The following SCN8A variants were observed in gnomAD, a reference collection of about 807,000 sequenced individuals.
SCN8A encodes the protein sodium voltage-gated channel alpha subunit 8, also known as sodium channel protein type 8 subunit alpha.
A neutral mutation model predicts 184.1 loss-of-function variants in SCN8A; 30 were observed. That is an observed-to-expected ratio of 0.16 (90% CI 0.12 to 0.22). The LOEUF (loss-of-function observed/expected upper bound fraction) is 0.22. SCN8A is among the 10% of genes least tolerant of loss of function. The probability of loss-of-function intolerance (pLI) is 1.00; values close to 1 mark genes in which losing one functional copy is unlikely to be tolerated. For synonymous variants in SCN8A, 852 were observed against 907.0 expected, an observed-to-expected ratio of 0.94 and a Z score of 1.09; for missense variants, 1,057 against 2,498.9, an observed-to-expected ratio of 0.42 and a Z score of 12.30.
intron 1 of SCN8A, among the ~76,000 whole-genome samples, chr12:51,614,276 A>G (rs1412058713): frequency 6.6e-6 from 1 of 152,244 alleles, no homozygotes; most frequent in African/African-American, 2.4e-5. Flanking sequence ...TGTTAGTTAC[A>G]TACACATTTT....
At chr12:51,720,294 C>T (rs1274883374) in intron 11 of SCN8A, among the ~76,000 whole-genome samples, 3 of 150,238 alleles carry the variant, frequency 2.0e-5, no homozygotes, top group African/African-American at 7.4e-5. Flanking sequence ...GATGAGTTCA[C>T]GTCCTTTGTA....
chr12:51,676,530 A>G (rs1941225743), intron 2 of SCN8A, among the ~76,000 whole-genome samples: 1 of 152,214 alleles, frequency 6.6e-6, no homozygotes, highest in Non-Finnish European at 1.5e-5. Context: ...ATGAATGCCA[A>G]ATTGCTGTTG....
At chr12:51,620,101 A>G (rs1939927841) in intron 1 of SCN8A, among the ~76,000 whole-genome samples, 1 of 152,212 alleles carries the variant, frequency 6.6e-6, no homozygotes, top group African/African-American at 2.4e-5. Flanking sequence ...TGGAGACCAA[A>G]GAGTTGTCAT....
At chr12:51,644,131 A>G (rs1184815908) in intron 1 of SCN8A, among the ~76,000 whole-genome samples, 1 of 152,196 alleles carries the variant, frequency 6.6e-6, no homozygotes, top group East Asian at 1.9e-4. Flanking sequence ...AGAGAAACCA[A>G]CTTTGCTTAG....
chr12:51,741,740 C>T (rs1942427376), intron 12 of SCN8A, among the ~76,000 whole-genome samples: 1 of 152,040 alleles, frequency 6.6e-6, no homozygotes, highest in Non-Finnish European at 1.5e-5. Context: ...GACAGAGTTT[C>T]ACTCTTGTTG....
chr12:51,689,147 T>G, intron 6 of SCN8A, 51 bp downstream of exon 6: 1 of 1,331,656 alleles, frequency 7.5e-7, no homozygotes, highest in Non-Finnish European at 1.1e-6. Flanking sequence ...CTCTTTCTCC[T>G]CCATTCGTTT....
rs78954138 is a variant in SCN8A, at chr12:51,636,821, G to A, written c.-54-25943G>A. On this transcript the variant is annotated intron_variant, in intron 1 of 26. Transcript: ENST00000627620. ...TTAATAAGCATACTTTTTGCCTTAAGGCACTTATAACCAAGTAAGCAAAAT... is the reference window on the plus strand; with the variant it reads ...TTAATAAGCATACTTTTTGCCTTAAAGCACTTATAACCAAGTAAGCAAAAT... 9.3e-3 allele frequency among the ~76,000 whole-genome samples: 1,418 copies of A among 152,296 alleles called. 20 individuals carry two copies. Among genetic ancestry groups the A allele is most frequent in the Non-Finnish European group, 0.011 (765 of 68,030 alleles).
In SCN8A at chr12:51,618,458, AACACACAC is replaced by A. The variant is rs56163627; in HGVS notation, c.-55+27143_-55+27150del. 9.3e-3 allele frequency among the ~76,000 whole-genome samples: 1,289 copies of A among 138,924 alleles called. 11 individuals are homozygous for A. Among genetic ancestry groups the A allele is most frequent in the South Asian group, 0.016 (66 of 4,042 alleles). 91.1% of individuals were successfully genotyped at this position (138,924 alleles called of 152,430 possible). ...AGTCCAGGCCAAGAGATACCAGAGC[AACACACAC>A]ACACACACACACACACACACACACA... On this transcript the variant is annotated intron_variant, in intron 1 of 26. Coordinates refer to ENST00000627620, the MANE Select transcript of SCN8A (RefSeq NM_001330260.2).
chr12:51,675,253 G>C (rs1941203572), intron 2 of SCN8A, among the ~76,000 whole-genome samples: 1 of 152,208 alleles, frequency 6.6e-6, no homozygotes, highest in Admixed American at 6.5e-5. Flanking sequence ...CAGTGCTGCT[G>C]CTCTGCCCGG....
intron 6 of SCN8A, among the ~76,000 whole-genome samples, chr12:51,696,088 T>C (rs1170279493): frequency 6.6e-6 from 1 of 152,238 alleles, no homozygotes; most frequent in African/African-American, 2.4e-5. Context: ...ATTATACTCT[T>C]GTTACTAATA....
rs535748328 is a variant in SCN8A at position 51,800,419 on chromosome 12, A to G, written c.4795+5778A>G. 1.6e-4 allele frequency among the ~76,000 whole-genome samples: 25 copies of G among 152,324 alleles called. No homozygotes were observed. In the South Asian group the frequency reaches 4.8e-3, roughly 29 times the overall value. On this transcript the variant is annotated intron_variant, in intron 26 of 26. Transcript: ENST00000627620. ...ATGTGGTGGGAATCACCACCCCTGC[A>G]TCTTTCAAGTCCTTGATGGTGGCAC...
chr12:51,699,483 G>A, intron 6 of SCN8A, 87 bp from the exon 7 acceptor site: 1 of 879,218 alleles, frequency 1.1e-6, no homozygotes, highest in Non-Finnish European at 1.8e-6. Context: ...CTGTGGGGAG[G>A]AGTAGCAGCC....
intron 3 of SCN8A, among the ~76,000 whole-genome samples, chr12:51,685,385 A>G (rs1941402578): frequency 6.6e-6 from 1 of 152,186 alleles, no homozygotes. Flanking sequence ...AATTAGTGGC[A>G]AGTGGGATAT....
At chr12:51,757,471 G>A (rs1368520244) in intron 14 of SCN8A, among the ~76,000 whole-genome samples, 2 of 152,164 alleles carry the variant, frequency 1.3e-5, no homozygotes, top group African/African-American at 4.8e-5. Context: ...TTCAAATAAG[G>A]CTGAATTTTT....
intron 11 of SCN8A, among the ~76,000 whole-genome samples, chr12:51,713,942 A>C (rs1409811189): frequency 2.6e-5 from 4 of 152,006 alleles, no homozygotes; most frequent in African/African-American, 7.2e-5. Context: ...TATTTTTAAG[A>C]AAAATGAACT....
intron 1 of SCN8A, among the ~76,000 whole-genome samples, chr12:51,622,029 A>G (rs1246824024): frequency 6.6e-6 from 1 of 152,226 alleles, no homozygotes; most frequent in Non-Finnish European, 1.5e-5. Context: ...CTCTGTAGAA[A>G]GAGGTACCCA....
Position 51,751,542 on chromosome 12 carries a change from G to A in SCN8A, c.2319G>A (p.Glu773=), listed in dbSNP as rs1296324377. Residue 773 remains glutamate, a synonymous_variant, in exon 14 of 27, where the codon GAG becomes GAA. Transcript: ENST00000627620. ...TGAATACACTGTTTATGGCAATGGA[G>A]CACCATCCTATGACACCACAATTTG... ...IVLNTLFMAM[E]HHPMTPQFEH... is the part of the protein sequence containing the mutation. The A allele has an allele frequency of 6.2e-7, 1 of 1,613,780 alleles. No homozygotes were observed. The highest frequency in any genetic ancestry group is 1.3e-5 in the African/African-American group (1 of 74,900).
At position 51,758,427 on chromosome 12, in the gene SCN8A, T is replaced by G. The variant is rs550598731; in HGVS notation, c.2371-4076T>G. Among the ~76,000 whole-genome samples the G allele has an allele frequency of 7.9e-5, 12 of 152,076 alleles. No homozygotes were observed. The East Asian group carries it at 2.3e-3, about 29-fold the overall frequency. On this transcript the variant is annotated intron_variant, in intron 14 of 26. Coordinates refer to ENST00000627620, the MANE Select transcript of SCN8A (RefSeq NM_001330260.2). ...TTGCAAGTCTCTTTAATGTCTGGTT[T>G]GTTTGTTTGTTTGTTTGTTTTGTTT...
At chr12:51,674,665 G>A (rs1311356111) in intron 2 of SCN8A, among the ~76,000 whole-genome samples, 4 of 152,138 alleles carry the variant, frequency 2.6e-5, no homozygotes, top group Admixed American at 6.6e-5. Flanking sequence ...TGGCCACTCC[G>A]TGTTTGGAGC....
Sources: gnomAD v4.1 joint callset for allele counts (sites outside exome capture counted in the v4.1 genomes callset) on GRCh38, gnomAD v4.1.1 for gene constraint, MANE v1.5 for transcripts, NCBI Gene and HGNC (gene_info 2026-07-23, HGNC 2026-07-21) for gene names.